CCDC171: variants seen among roughly 807,000 people sequenced by gnomAD.
The protein encoded by CCDC171 is coiled-coil domain containing 171, also known as coiled-coil domain-containing protein 171.
In CCDC171, 177 loss-of-function variants were observed where a neutral mutation model predicts 168.2. That is an observed-to-expected ratio of 1.05 (90% CI 0.93 to 1.19). CCDC171 has a LOEUF of 1.19. Ranked by LOEUF, CCDC171 falls within the 50% of genes most tolerant of loss-of-function variation. CCDC171 has a pLI of 0.00. For synonymous variants in CCDC171, 687 were observed against 540.8 expected (o/e 1.27, Z -3.75); for missense variants, 1,991 against 1,539.0 (o/e 1.29, Z -4.91).
intron 7 of CCDC171, among the ~76,000 whole-genome samples, chr9:15,633,047 T>C (rs997372413): frequency 5.9e-5 from 9 of 152,300 alleles, no homozygotes; most frequent in African/African-American, 2.2e-4. Context: ...ACTTAAACGT[T>C]AGACCTAAAA....
rs529447694 is a variant in CCDC171 at position 15,628,497 on chromosome 9, G to T, written c.822+5084G>T. ...GGGGAGGGGCGGCTGCCATTGCCCA[G>T]GCTTGCTTAGGTAAACAAAGCAGCT... On this transcript the variant is annotated intron_variant, in intron 7 of 25. Transcript: ENST00000380701. 2.4e-4 allele frequency among the ~76,000 whole-genome samples: 37 copies of T among 152,344 alleles called. No homozygotes were observed. The South Asian group carries it at 7.2e-3, about 30-fold the overall frequency.
intron 8 of CCDC171, among the ~76,000 whole-genome samples, chr9:15,661,263 G>A (rs1239784995): frequency 7.0e-6 from 1 of 141,924 alleles, no homozygotes; most frequent in Non-Finnish European, 1.5e-5. Context: ...CTGGGCGACA[G>A]AGCGAGACTC....
chr9:16,095,265 A>G, the CCDC171 span, among the ~76,000 whole-genome samples: 9 of 152,154 alleles, frequency 5.9e-5, no homozygotes, highest in African/African-American at 7.2e-5. Flanking sequence ...CAAGGACACA[A>G]TCGCCTTCGG....
chr9:15,954,063 T>G (rs1829505254), intron 25 of CCDC171, among the ~76,000 whole-genome samples: 2 of 151,964 alleles, frequency 1.3e-5, no homozygotes, highest in African/African-American at 2.4e-5. Context: ...TTTCTTTTTT[T>G]CTTGCCTATC....
At chr9:15,635,301 A>G (rs546521145) in intron 7 of CCDC171, among the ~76,000 whole-genome samples, 7 of 152,262 alleles carry the variant, frequency 4.6e-5, no homozygotes, top group Admixed American at 2.0e-4. Flanking sequence ...TTATGTGCTT[A>G]TTAGCCATTC....
At chr9:15,771,301 C>G (rs1253864595) in intron 18 of CCDC171, among the ~76,000 whole-genome samples, 2 of 152,080 alleles carry the variant, frequency 1.3e-5, no homozygotes, top group Non-Finnish European at 2.9e-5. Flanking sequence ...ATTGTTCTTT[C>G]ATGAACAGTG....
intron 24 of CCDC171, chr9:15,885,466 A>T (rs1272384022): frequency 1.3e-5 from 2 of 152,192 alleles, no homozygotes; most frequent in Non-Finnish European, 1.5e-5. Flanking sequence ...GAAGCCTGTG[A>T]GCAGTTGAAC....
chr9:15,693,076 G>T (rs961173047), intron 10 of CCDC171, among the ~76,000 whole-genome samples: 4 of 151,986 alleles, frequency 2.6e-5, no homozygotes, highest in African/African-American at 9.7e-5. Flanking sequence ...GGCGGAGGTT[G>T]CAATGAGCTG....
the CCDC171 span, among the ~76,000 whole-genome samples, chr9:16,072,522 A>T: frequency 6.6e-6 from 1 of 152,174 alleles, no homozygotes; most frequent in African/African-American, 2.4e-5. Context: ...ACTAGACAAG[A>T]GTCACTCCAT....
chr9:15,636,444 TGGCTTACTAAAAAAGGATTAAG>T (rs2046205974), intron 7 of CCDC171, among the ~76,000 whole-genome samples: 1 of 152,134 alleles, frequency 6.6e-6, no homozygotes, highest in African/African-American at 2.4e-5. Context: ...GGTTTGTAGA[TGGCTTACTAAAAAAGGATTAAG>T]GGCCAGGAGC....
chr9:16,068,779 G>C, the CCDC171 span, among the ~76,000 whole-genome samples: 2 of 152,124 alleles, frequency 1.3e-5, no homozygotes, highest in African/African-American at 4.8e-5. Context: ...GCCAGGATAC[G>C]ATGTATTCTG....
intron 11 of CCDC171, among the ~76,000 whole-genome samples, chr9:15,719,519 A>T (rs1213990455): frequency 1.3e-5 from 2 of 151,972 alleles, no homozygotes; most frequent in East Asian, 3.9e-4. Context: ...CAAGTACAAG[A>T]AGGTTATAGA....
At chr9:15,926,305 A>T (rs1332558049) in intron 25 of CCDC171, among the ~76,000 whole-genome samples, 2 of 151,604 alleles carry the variant, frequency 1.3e-5, no homozygotes, top group Non-Finnish European at 3.0e-5. Context: ...TTGTTATTTT[A>T]GTTCCATTCC....
At chr9:15,869,983 A>G (rs770201) in intron 23 of CCDC171, among the ~76,000 whole-genome samples, 114,092 of 151,690 alleles carry the variant, frequency 0.75, 44,616 homozygotes, top group East Asian at 0.89. Flanking sequence ...GTTTTTCTGT[A>G]AAGGCCAGAT....
In CCDC171 at chr9:15,874,863, A is replaced by G. The variant is rs1817642307; in HGVS notation, c.3600+200A>G. The G allele has an allele frequency of 7.0e-6, 3 of 426,152 alleles. No individual in the cohort carries two copies. The South Asian group carries it at 3.1e-4, about 44-fold the overall frequency. The allele number at this position is 426,152 out of a possible 1,614,324, so 26.4% of individuals were successfully genotyped here. A position where few individuals can be genotyped will look rare whatever the true frequency, so the allele number is the denominator to read the frequency against. Reference sequence around the variant, plus strand: ...CTTTAAAGCCTAGAACTAGCCTATTAAAATAATCCAGAAAAGTGTTTTTAC... The same window carrying G: ...CTTTAAAGCCTAGAACTAGCCTATTGAAATAATCCAGAAAAGTGTTTTTAC... On this transcript the variant is annotated intron_variant, in intron 24 of 25. Coordinates refer to ENST00000380701, the MANE Select transcript of CCDC171 (RefSeq NM_173550.4).
chr9:15,721,884 T>C lies in CCDC171; in HGVS notation c.1425+9T>C. On this transcript the variant is annotated intron_variant, in intron 12 of 25. Coordinates refer to ENST00000380701, the MANE Select transcript of CCDC171 (RefSeq NM_173550.4). ...AAGATGCATCTAATGAGGTAACACT[T>C]GCACTGTTTGGCTCCACACATATAG... 2 of 1,454,352 alleles carry C rather than the reference T, an allele frequency of 1.4e-6. No individual in the cohort carries two copies. The highest frequency in any genetic ancestry group is 1.4e-5 in the South Asian group (1 of 71,502). The allele number at this position is 1,454,352 out of a possible 1,614,324, so 90.1% of individuals were successfully genotyped here. A position where few individuals can be genotyped will look rare whatever the true frequency, so the allele number is the denominator to read the frequency against.
At chr9:15,794,932 C>T (rs2058474754) in intron 21 of CCDC171, among the ~76,000 whole-genome samples, 1 of 152,166 alleles carries the variant, frequency 6.6e-6, no homozygotes, top group Admixed American at 6.5e-5. Flanking sequence ...GTATGTTTCT[C>T]CTACTGTCAT....
At chr9:15,873,424 T>C (rs1323973986) in intron 23 of CCDC171, among the ~76,000 whole-genome samples, 1 of 152,118 alleles carries the variant, frequency 6.6e-6, no homozygotes, top group African/African-American at 2.4e-5. Context: ...GTTAATGCAA[T>C]TTTTATAGTT....
intron 6 of CCDC171, among the ~76,000 whole-genome samples, chr9:15,600,252 C>A (rs934737447): frequency 2.0e-5 from 3 of 152,052 alleles, no homozygotes; most frequent in African/African-American, 7.2e-5. Context: ...CTGTTTTTTC[C>A]CCATCTTTGT....
Sources: gnomAD v4.1 joint callset for allele counts (sites outside exome capture counted in the v4.1 genomes callset) on GRCh38, gnomAD v4.1.1 for gene constraint, MANE v1.5 for transcripts, NCBI Gene and HGNC (gene_info 2026-07-23, HGNC 2026-07-21) for gene names.